Variants in GNB4 observed in about 807,000 individuals in gnomAD.
The protein encoded by GNB4 is G protein subunit beta 4.
A neutral mutation model predicts 45.2 loss-of-function variants in GNB4; 28 were observed. The ratio of observed to expected loss-of-function variants is 0.62; its 90% CI spans 0.46 to 0.85. The LOEUF (loss-of-function observed/expected upper bound fraction) is 0.85, where lower values mean the gene tolerates loss of function less well. GNB4 is among the 40% of genes least tolerant of loss of function. The probability of loss-of-function intolerance (pLI) is 0.00; values close to 1 mark genes in which losing one functional copy is unlikely to be tolerated. For missense variants in GNB4, 321 were observed against 425.4 expected (o/e 0.75, Z 2.16); for synonymous variants, 132 against 143.7 (o/e 0.92, Z 0.58).
chr3:179,501,419 C>T, the GNB4 span, among the ~76,000 whole-genome samples: 1 of 151,868 alleles, frequency 6.6e-6, no homozygotes, highest in Non-Finnish European at 1.5e-5. Context: ...CCACCTCAGC[C>T]TCTTGAGTAG....
chr3:179,494,804 A>T, the GNB4 span, among the ~76,000 whole-genome samples: 3 of 147,758 alleles, frequency 2.0e-5, no homozygotes, highest in African/African-American at 7.5e-5. Context: ...GCTACTCGGG[A>T]GGCTGAGGCA....
the GNB4 span, among the ~76,000 whole-genome samples, chr3:179,489,401 T>G: frequency 6.6e-6 from 1 of 151,918 alleles, no homozygotes. Flanking sequence ...TTTGGGAGAC[T>G]GAGGAGGAGG....
Position 179,420,907 on chromosome 3 carries a change from A to G in GNB4, c.78T>C (p.Asn26=). The G allele has an allele frequency of 1.3e-6, 2 of 1,591,850 alleles. No individual in the cohort carries two copies. Among genetic ancestry groups the G allele is most frequent in the Non-Finnish European group, 1.7e-6 (2 of 1,163,806 alleles). The part of the protein sequence containing the change: ...NQIQDARKAC[N]DATLVQITSN... Reference sequence around the variant, plus strand: ...ACTTTACCTGAACAAGCGTTGCATCATTACATGCTTTCCGAGCATCCTGAA... The same window carrying G: ...ACTTTACCTGAACAAGCGTTGCATCGTTACATGCTTTCCGAGCATCCTGAA... Residue 26 remains asparagine, a synonymous_variant, in exon 3 of 10, where the codon AAT becomes AAC. Transcript: ENST00000232564.
chr3:179,505,479 AAT>A, the GNB4 span, among the ~76,000 whole-genome samples: 1 of 152,216 alleles, frequency 6.6e-6, no homozygotes, highest in Non-Finnish European at 1.5e-5. Flanking sequence ...CAGTGAGAAA[AAT>A]ATGTCTATTT....
At chr3:179,522,025 C>T in the GNB4 span, among the ~76,000 whole-genome samples, 1 of 152,062 alleles carries the variant, frequency 6.6e-6, no homozygotes, top group East Asian at 1.9e-4. Flanking sequence ...TTTCGCCGCC[C>T]CAACACTTCA....
At chr3:179,435,053 G>A (rs13088724) in intron 1 of GNB4, among the ~76,000 whole-genome samples, 28,416 of 152,006 alleles carry the variant, frequency 0.19, 3,198 homozygotes, top group Admixed American at 0.25. Context: ...AAATGAAATG[G>A]AATAAAATAA....
At chr3:179,434,207 C>T (rs1004341880) in intron 1 of GNB4, among the ~76,000 whole-genome samples, 6 of 152,142 alleles carry the variant, frequency 3.9e-5, no homozygotes, top group Non-Finnish European at 7.3e-5. Flanking sequence ...TAAACTGCAA[C>T]ACCAATGCCC....
At chr3:179,426,947 C>G (rs539368687) in intron 1 of GNB4, among the ~76,000 whole-genome samples, 1 of 152,172 alleles carries the variant, frequency 6.6e-6, no homozygotes, top group East Asian at 1.9e-4. Flanking sequence ...CCACTAAACT[C>G]TATCTTGACC....
chr3:179,501,705 A>T, the GNB4 span, among the ~76,000 whole-genome samples: 4 of 152,112 alleles, frequency 2.6e-5, no homozygotes, highest in Non-Finnish European at 5.9e-5. Flanking sequence ...ACTCCTGGTA[A>T]ACTCTTCCTC....
the GNB4 span, among the ~76,000 whole-genome samples, chr3:179,481,813 TG>T: frequency 6.6e-6 from 1 of 152,184 alleles, no homozygotes; most frequent in Admixed American, 6.5e-5. Context: ...ACTCTGAGAG[TG>T]CATAGTTTCA....
rs200506982 is a variant in GNB4, at chr3:179,450,099, AGAT to A, written c.-43+1244_-43+1246del. Among the ~76,000 whole-genome samples, 1,165 of 152,346 alleles carry A rather than the reference AGAT, an allele frequency of 7.6e-3. 20 individuals carry two copies. The highest frequency in any genetic ancestry group is 0.026 in the African/African-American group (1,097 of 41,568). On this transcript the variant is annotated intron_variant, in intron 1 of 9. Coordinates refer to ENST00000232564, the MANE Select transcript of GNB4 (RefSeq NM_021629.4). ...TACAGAGGGTTGACAACGTTCAATA[AGAT>A]GATATTTTAAAAGTTTCTATTTCAG...
the GNB4 span, among the ~76,000 whole-genome samples, chr3:179,516,309 G>A: frequency 1.1e-4 from 17 of 152,308 alleles, no homozygotes; most frequent in Middle Eastern, 3.4e-3. Flanking sequence ...TACAGAGGTG[G>A]GAAGGCCAAA....
the GNB4 span, among the ~76,000 whole-genome samples, chr3:179,472,211 G>GA: frequency 2.0e-5 from 3 of 151,920 alleles, no homozygotes; most frequent in African/African-American, 7.3e-5. Context: ...AATAATAACT[G>GA]AAAAAATATA....
At chr3:179,431,556 T>TC (rs1715309929) in intron 1 of GNB4, among the ~76,000 whole-genome samples, 1 of 53,896 alleles carries the variant, frequency 1.9e-5, no homozygotes, top group Non-Finnish European at 3.9e-5. Context: ...AGACTCTGTC[T>TC]CAAAAAAAAA....
the GNB4 span, chr3:179,465,426 AC>A: frequency 6.8e-4 from 296 of 435,574 alleles, 3 homozygotes; most frequent in Middle Eastern, 6.9e-4. Context: ...ACATGGTGAA[AC>A]CCCCGTCTCT....
chr3:179,450,229 T>C (rs1715833842), intron 1 of GNB4, among the ~76,000 whole-genome samples: 1 of 152,192 alleles, frequency 6.6e-6, no homozygotes, highest in Non-Finnish European at 1.5e-5. Flanking sequence ...CTAGGATCAG[T>C]AGTAAACCAA....
chr3:179,518,670 G>A, the GNB4 span, among the ~76,000 whole-genome samples: 4 of 152,048 alleles, frequency 2.6e-5, no homozygotes, highest in Non-Finnish European at 5.9e-5. Flanking sequence ...TCTTAAAAAG[G>A]TGGCTGGAGC....
intron 2 of GNB4, among the ~76,000 whole-genome samples, chr3:179,424,022 C>T (rs892258859): frequency 6.6e-6 from 1 of 152,082 alleles, no homozygotes; most frequent in Non-Finnish European, 1.5e-5. Flanking sequence ...GTTCAGGGAA[C>T]CAGACTAGTA....
At chr3:179,430,499 C>T (rs1413714137) in intron 1 of GNB4, among the ~76,000 whole-genome samples, 1 of 152,150 alleles carries the variant, frequency 6.6e-6, no homozygotes, top group East Asian at 1.9e-4. Flanking sequence ...GTCAACCAGG[C>T]TGGAGTGCAG....
Sources: allele counts gnomAD v4.1 joint callset (sites outside exome capture counted in the v4.1 genomes callset), GRCh38; gene constraint gnomAD v4.1.1; transcripts MANE v1.5; gene names NCBI Gene and HGNC (gene_info 2026-07-23, HGNC 2026-07-21).